Variants in B4GALT5 observed in about 807,000 individuals in gnomAD.
B4GALT5 encodes UDP-Gal:beta-GlcNAc beta-1,4-galactosyltransferase 5.
Under a neutral mutation model 45.0 loss-of-function variants are expected in B4GALT5, and 11 were observed. The observed-to-expected ratio is 0.24, with a 90% CI of 0.15 to 0.40. The LOEUF is 0.40. Ranked by LOEUF, B4GALT5 falls within the 10% of genes least tolerant of loss-of-function variation. The pLI is 1.00. For missense variants in B4GALT5, 337 were observed against 500.2 expected (o/e 0.67, Z 3.11); for synonymous variants, 185 against 182.9 (o/e 1.01, Z -0.09).
chr20:49,689,142 T>A lies in B4GALT5; in HGVS notation c.115+24434A>T, dbSNP rs77800904. 3.3e-4 allele frequency among the ~76,000 whole-genome samples: 51 copies of A among 152,258 alleles called. 1 individual carries two copies. The East Asian group carries it at 9.2e-3, about 28-fold the overall frequency. Reference sequence around the variant, plus strand: ...CAGCAAAACAGTGTTTAGGTATCCATTGGATGATACATGCAGAAATAAACA... The same window carrying A: ...CAGCAAAACAGTGTTTAGGTATCCAATGGATGATACATGCAGAAATAAACA... On this transcript the variant is annotated intron_variant, in intron 1 of 8. Coordinates refer to ENST00000371711, the MANE Select transcript of B4GALT5 (RefSeq NM_004776.4).
chr20:49,692,846 C>T (rs565750981), intron 1 of B4GALT5, among the ~76,000 whole-genome samples: 5 of 152,264 alleles, frequency 3.3e-5, no homozygotes, highest in Admixed American at 6.5e-5. Context: ...CAAAATGTTG[C>T]GATTCTTCAG....
intron 1 of B4GALT5, among the ~76,000 whole-genome samples, chr20:49,697,748 A>G (rs545664301): frequency 6.6e-6 from 1 of 152,246 alleles, no homozygotes; most frequent in Admixed American, 6.5e-5. Context: ...AATCCCTTTC[A>G]CCTTTATATT....
intron 1 of B4GALT5, among the ~76,000 whole-genome samples, chr20:49,680,180 T>A (rs994600094): frequency 3.3e-5 from 5 of 152,188 alleles, no homozygotes; most frequent in Admixed American, 2.6e-4. Context: ...ATTATCATTA[T>A]TTTACTAGTA....
At chr20:49,642,881 C>G (rs917910975) in intron 4 of B4GALT5, among the ~76,000 whole-genome samples, 24 of 152,240 alleles carry the variant, frequency 1.6e-4, no homozygotes, top group Admixed American at 4.6e-4. Context: ...TATAAACTTA[C>G]AATTAAAACA....
intron 1 of B4GALT5, among the ~76,000 whole-genome samples, chr20:49,677,320 C>T (rs998637893): frequency 6.6e-6 from 1 of 152,170 alleles, no homozygotes; most frequent in Non-Finnish European, 1.5e-5. Flanking sequence ...CCTCTTCCTA[C>T]CTGCACCAAC....
chr20:49,685,941 T>G (rs1328532962), intron 1 of B4GALT5, among the ~76,000 whole-genome samples: 8 of 146,812 alleles, frequency 5.4e-5, no homozygotes, highest in African/African-American at 7.6e-5. Flanking sequence ...AAAAAAAAAG[T>G]AGTATTTGAG....
chr20:49,697,811 T>C (rs760429246), intron 1 of B4GALT5, among the ~76,000 whole-genome samples: 4 of 152,188 alleles, frequency 2.6e-5, no homozygotes, highest in African/African-American at 9.6e-5. Context: ...TTTAACACAG[T>C]TGAAATTATT....
chr20:49,697,708 G>A (rs1475354577), intron 1 of B4GALT5, among the ~76,000 whole-genome samples: 2 of 151,442 alleles, frequency 1.3e-5, no homozygotes, highest in Non-Finnish European at 2.9e-5. Context: ...CTGTGCTTAT[G>A]TTCCATTCTG....
intron 2 of B4GALT5, among the ~76,000 whole-genome samples, chr20:49,647,648 G>A (rs905326725): frequency 4.5e-4 from 68 of 152,154 alleles, no homozygotes; most frequent in African/African-American, 1.6e-3. Flanking sequence ...ACTAGTCGTC[G>A]CTGAGAAATG....
chr20:49,649,008 C>A (rs2085610285), intron 2 of B4GALT5, among the ~76,000 whole-genome samples: 1 of 152,214 alleles, frequency 6.6e-6, no homozygotes, highest in Non-Finnish European at 1.5e-5. Flanking sequence ...ATTCTAGAAT[C>A]TTCAACTAAG....
intron 1 of B4GALT5, among the ~76,000 whole-genome samples, chr20:49,687,157 G>C (rs534446856): frequency 6.6e-6 from 1 of 152,246 alleles, no homozygotes; most frequent in East Asian, 1.9e-4. Context: ...AGGCCACAGA[G>C]GCTGCAAAAC....
intron 3 of B4GALT5, among the ~76,000 whole-genome samples, chr20:49,645,354 A>G (rs755257488): frequency 9.9e-5 from 15 of 152,260 alleles, no homozygotes; most frequent in Non-Finnish European, 2.1e-4. Context: ...AAAAATTCCT[A>G]CTGCCTAGTG....
chr20:49,663,682 A>AAAAAG (rs2085674899), intron 1 of B4GALT5, among the ~76,000 whole-genome samples: 2 of 76,470 alleles, frequency 2.6e-5, no homozygotes, highest in African/African-American at 5.7e-5. Context: ...CAAGAAAAAA[A>AAAAAG]AAAAAAAAAT....
At chr20:49,675,617 G>A (rs1381719092) in intron 1 of B4GALT5, among the ~76,000 whole-genome samples, 5 of 152,056 alleles carry the variant, frequency 3.3e-5, no homozygotes, top group African/African-American at 4.8e-5. Flanking sequence ...GGTGCACAAG[G>A]AAACACCTGA....
chr20:49,695,004 G>A (rs1323404149), intron 1 of B4GALT5, among the ~76,000 whole-genome samples: 1 of 151,936 alleles, frequency 6.6e-6, no homozygotes, highest in Non-Finnish European at 1.5e-5. Context: ...TCACTTCTAT[G>A]AGCAAACCAC....
intron 1 of B4GALT5, among the ~76,000 whole-genome samples, chr20:49,705,436 A>G (rs2085879844): frequency 6.6e-6 from 1 of 152,204 alleles, no homozygotes; most frequent in Admixed American, 6.5e-5. Flanking sequence ...AATGATTTCA[A>G]AGACAGATTT....
intron 2 of B4GALT5, among the ~76,000 whole-genome samples, chr20:49,652,846 T>C (rs1030487887): frequency 2.0e-4 from 30 of 152,214 alleles, no homozygotes; most frequent in African/African-American, 7.0e-4. Flanking sequence ...TGCCTCAGCA[T>C]TATTTCAGCA....
At chr20:49,713,525 G>A (rs1002530854) in intron 1 of B4GALT5, 51 bp downstream of exon 1, 7 of 1,525,776 alleles carry the variant, frequency 4.6e-6, no homozygotes, top group South Asian at 3.6e-5. Flanking sequence ...GATTCCCCGG[G>A]TCCCTCAAGG....
At chr20:49,695,646 G>A (rs1034687999) in intron 1 of B4GALT5, among the ~76,000 whole-genome samples, 3 of 152,150 alleles carry the variant, frequency 2.0e-5, no homozygotes, top group Non-Finnish European at 2.9e-5. Flanking sequence ...CCCGACCTCA[G>A]GTGTTTGGCC....
Sources: allele counts gnomAD v4.1 joint callset (sites outside exome capture counted in the v4.1 genomes callset), GRCh38; gene constraint gnomAD v4.1.1; transcripts MANE v1.5; gene names NCBI Gene and HGNC (gene_info 2026-07-23, HGNC 2026-07-21).